PECR: variants seen among roughly 807,000 people sequenced by gnomAD.
PECR encodes 2,4-dienoyl-CoA reductase-related protein.
PECR carries 30 observed loss-of-function variants against 35.3 expected under a neutral mutation model. That is an observed-to-expected ratio of 0.85 (90% CI 0.64 to 1.15). The LOEUF (loss-of-function observed/expected upper bound fraction) is 1.15. PECR is among the 50% of genes most tolerant of loss of function. PECR has a pLI of 0.00. For missense variants in PECR, 392 were observed against 370.8 expected (o/e 1.06, Z -0.47); for synonymous variants, 148 against 138.9 (o/e 1.07, Z -0.46).
At chr2:216,052,842 G>A (rs754930719) in intron 4 of PECR, among the ~76,000 whole-genome samples, 9 of 151,916 alleles carry the variant, frequency 5.9e-5, no homozygotes, top group African/African-American at 9.7e-5. Context: ...CACAGTTCAC[G>A]AATGCTCTGT....
At chr2:216,035,309 T>C (rs887072377), downstream of PECR, among the ~76,000 whole-genome samples, 6 of 152,072 alleles carry the variant, frequency 3.9e-5, no homozygotes, top group South Asian at 1.0e-3. Flanking sequence ...GGGTTTTGCA[T>C]CAGAGGCCTC....
At chr2:216,031,483 A>AAGAAAGAAAG (rs1173563336) in intron 7 of PECR, among the ~76,000 whole-genome samples, 1 of 135,424 alleles carries the variant, frequency 7.4e-6, no homozygotes. Flanking sequence ...AAGAGAAAGA[A>AAGAAAGAAAG]AGAAAGAAAG....
intron 1 of PECR, among the ~76,000 whole-genome samples, chr2:216,069,920 GAGCAAGACTC>G (rs1695553385): frequency 7.4e-6 from 1 of 135,610 alleles, no homozygotes; most frequent in Admixed American, 7.9e-5. Flanking sequence ...TGGGTGACAA[GAGCAAGACTC>G]TGTCAAAAAA....
intron 6 of PECR, among the ~76,000 whole-genome samples, chr2:216,048,918 C>T (rs187475366): frequency 8.6e-5 from 13 of 150,914 alleles, no homozygotes; most frequent in Admixed American, 8.6e-4. Flanking sequence ...CAACCTTAAC[C>T]GAAATCTCAT....
At chr2:216,081,269 C>T (rs780542221) in intron 1 of PECR, among the ~76,000 whole-genome samples, 1 of 152,226 alleles carries the variant, frequency 6.6e-6, no homozygotes, top group African/African-American at 2.4e-5. Context: ...TAAATGAAGT[C>T]TTCCCACGTT....
chr2:216,043,383 T>C (rs1694933388), intron 7 of PECR, among the ~76,000 whole-genome samples: 1 of 152,140 alleles, frequency 6.6e-6, no homozygotes. Context: ...GTGCTGGGAT[T>C]ACAGGCATGA....
At chr2:216,070,021 T>C (rs1189437472) in intron 1 of PECR, among the ~76,000 whole-genome samples, 6 of 150,940 alleles carry the variant, frequency 4.0e-5, no homozygotes, top group African/African-American at 1.2e-4. Context: ...GATCGAAACA[T>C]AGAAAGGAGT....
At chr2:216,064,636 G>C (rs569872464) in intron 3 of PECR, among the ~76,000 whole-genome samples, 2 of 152,230 alleles carry the variant, frequency 1.3e-5, no homozygotes, top group African/African-American at 4.8e-5. Flanking sequence ...TTTTCCACTG[G>C]AACAACCCAA....
At chr2:216,044,060 C>T (rs1438228827) in intron 6 of PECR, 45 bp from the exon 7 acceptor site, 1 of 988,448 alleles carries the variant, frequency 1.0e-6, no homozygotes, top group South Asian at 1.3e-5. Context: ...GCAAATACTC[C>T]CCATTTCTAA....
intron 1 of PECR, among the ~76,000 whole-genome samples, chr2:216,072,266 A>G (rs1485190337): frequency 2.0e-5 from 3 of 152,240 alleles, no homozygotes; most frequent in African/African-American, 7.2e-5. Context: ...CACACAGTCC[A>G]GCATATACAG....
downstream of PECR, among the ~76,000 whole-genome samples, chr2:216,036,910 A>G (rs925346982): frequency 6.6e-6 from 1 of 152,206 alleles, no homozygotes; most frequent in African/African-American, 2.4e-5. Flanking sequence ...CTCTTTTTAC[A>G]TAAATATAGA....
chr2:216,073,092 C>T (rs1352092052), intron 1 of PECR, among the ~76,000 whole-genome samples: 1 of 152,176 alleles, frequency 6.6e-6, no homozygotes, highest in Non-Finnish European at 1.5e-5. Flanking sequence ...TGGAAAGATT[C>T]ACCATAAGTT....
In PECR at chr2:216,058,879, A is replaced by G; in HGVS notation, c.506+16T>C. On this transcript the variant is annotated intron_variant, in intron 4 of 7. Coordinates refer to ENST00000265322, the MANE Select transcript of PECR (RefSeq NM_018441.6). ...AACTCAAAGACTTAGAAAGAAAACT[A>G]TATAAAAACGCTTACACAGCTAATG... is the stretch of plus-strand genomic sequence containing the variant. The G allele has an allele frequency of 1.4e-6, 2 of 1,452,266 alleles. No individual in the cohort carries two copies. The highest frequency in any genetic ancestry group is 2.3e-5 in the South Asian group (2 of 87,192). The allele number at this position is 1,452,266 out of a possible 1,614,324, so 90.0% of individuals were successfully genotyped here.
intron 7 of PECR, among the ~76,000 whole-genome samples, chr2:216,041,933 T>C (rs1020566442): frequency 5.3e-5 from 8 of 152,016 alleles, no homozygotes; most frequent in Non-Finnish European, 7.3e-5. Flanking sequence ...TGCCTTGCCC[T>C]GTGCACCCCT....
At chr2:216,076,055 C>T (rs1219681248) in intron 1 of PECR, among the ~76,000 whole-genome samples, 3 of 152,220 alleles carry the variant, frequency 2.0e-5, no homozygotes, top group Non-Finnish European at 4.4e-5. Flanking sequence ...AGATCTAATT[C>T]TGCCTACAAT....
chr2:216,029,763 G>T (rs1222867037), intron 7 of PECR, among the ~76,000 whole-genome samples: 1 of 152,242 alleles, frequency 6.6e-6, no homozygotes, highest in Non-Finnish European at 1.5e-5. Flanking sequence ...TTCAGGCAAA[G>T]TTGCACAGCA....
chr2:216,035,202 A>T (rs1353895414), downstream of PECR, among the ~76,000 whole-genome samples: 1 of 152,210 alleles, frequency 6.6e-6, no homozygotes, highest in Non-Finnish European at 1.5e-5. Context: ...ATGGAGAGAC[A>T]TTGGAGGAGG....
chr2:216,045,252 T>C (rs1457116285), intron 6 of PECR, among the ~76,000 whole-genome samples: 1 of 152,230 alleles, frequency 6.6e-6, no homozygotes, highest in Non-Finnish European at 1.5e-5. Flanking sequence ...CATCCTTGTA[T>C]TCCCAGCAGC....
intron 7 of PECR, among the ~76,000 whole-genome samples, chr2:216,040,043 G>A (rs1030747045): frequency 1.3e-5 from 2 of 152,082 alleles, no homozygotes; most frequent in African/African-American, 4.8e-5. Context: ...CATAGAAACA[G>A]CAGGCAGCCA....
Sources: allele counts gnomAD v4.1 joint callset (sites outside exome capture counted in the v4.1 genomes callset), GRCh38; gene constraint gnomAD v4.1.1; transcripts MANE v1.5; gene names NCBI Gene and HGNC (gene_info 2026-07-23, HGNC 2026-07-21).